The following KIAA0586 variants were observed in gnomAD, a reference collection of about 807,000 sequenced individuals.
The protein encoded by KIAA0586 is KIAA0586, also known as protein TALPID3.
Under a neutral mutation model 169.8 loss-of-function variants are expected in KIAA0586, and 144 were observed. The ratio of observed to expected loss-of-function variants is 0.85; its 90% CI spans 0.74 to 0.97. KIAA0586 has a LOEUF of 0.97. Ranked by LOEUF, KIAA0586 falls within the 50% of genes least tolerant of loss-of-function variation. The pLI is 0.00. For missense variants in KIAA0586, 1,854 were observed against 1,823.0 expected, an observed-to-expected ratio of 1.02 and a Z score of -0.31; for synonymous variants, 625 against 612.4, an observed-to-expected ratio of 1.02 and a Z score of -0.30.
Position 58,456,820 on chromosome 14 carries a change from G to A in KIAA0586, c.1362+10G>A. Reference sequence around the variant, plus strand: ...AAATAGCATGGTCCAGGTAAAGTGGGAATGGTCTTAAAATTGATGATTAGT... The same window carrying A: ...AAATAGCATGGTCCAGGTAAAGTGGAAATGGTCTTAAAATTGATGATTAGT... On this transcript the variant is annotated intron_variant, in intron 10 of 30. Coordinates refer to ENST00000652326, the MANE Select transcript of KIAA0586 (RefSeq NM_001329943.3). The A allele has an allele frequency of 7.1e-7, 1 of 1,407,226 alleles. No individual in the cohort carries two copies. Among genetic ancestry groups the A allele is most frequent in the East Asian group, 2.3e-5 (1 of 42,944 alleles). The allele number at this position is 1,407,226 out of a possible 1,614,324, so 87.2% of individuals were successfully genotyped here. A position where few individuals can be genotyped will look rare whatever the true frequency, so the allele number is the denominator to read the frequency against.
intron 1 of KIAA0586, among the ~76,000 whole-genome samples, chr14:58,429,040 T>C (rs528234149): frequency 1.4e-4 from 22 of 152,340 alleles, no homozygotes; most frequent in African/African-American, 4.6e-4. Context: ...CAAATAGTAC[T>C]GCTGTTAAAT....
intron 29 of KIAA0586, among the ~76,000 whole-genome samples, chr14:58,525,067 A>T (rs1444064745): frequency 6.6e-6 from 1 of 152,040 alleles, no homozygotes; most frequent in Non-Finnish European, 1.5e-5. Context: ...TTGAATACTC[A>T]TGTTATAATC....
At chr14:58,513,760 A>G (rs1474951757) in intron 29 of KIAA0586, among the ~76,000 whole-genome samples, 1 of 152,070 alleles carries the variant, frequency 6.6e-6, no homozygotes, top group East Asian at 1.9e-4. Flanking sequence ...TCATTTATGA[A>G]CTGTCCTTCG....
intron 4 of KIAA0586, among the ~76,000 whole-genome samples, chr14:58,435,793 C>T (rs1469078823): frequency 2.0e-5 from 3 of 152,094 alleles, no homozygotes; most frequent in South Asian, 2.1e-4. Context: ...CTGCAACCTC[C>T]GCCTCCCCAG....
rs774888640 is a variant in KIAA0586, at chr14:58,457,945, A to G, written c.1549A>G (p.Met517Val). The G allele has an allele frequency of 6.2e-7, 1 of 1,600,110 alleles. No homozygotes were observed. The highest frequency in any genetic ancestry group is 8.5e-7 in the Non-Finnish European group (1 of 1,172,572). Residue 517 changes from methionine to valine, a missense_variant, in exon 11 of 31, where the codon ATG becomes GTG. Transcript: ENST00000652326. ...TATTCGTGCAAAAGATGGAGCTGCC[A>G]TGTATTCGCTTATCAATGCTTTATC... is the stretch of plus-strand genomic sequence containing the variant. ...AIIRAKDGAAMYSLINALSTN... is the reference protein window; with the variant it reads ...AIIRAKDGAAVYSLINALSTN...
In KIAA0586 at chr14:58,521,992, G is replaced by C. The variant is rs2045263795; in HGVS notation, c.4429+9365G>C. On this transcript the variant is annotated intron_variant, in intron 29 of 30. Coordinates refer to ENST00000652326, the MANE Select transcript of KIAA0586 (RefSeq NM_001329943.3). ...CACCAATGGCGAAGATAACTCTTAA[G>C]CACATAGTGGGGTTTAGAAATCTTA... is the stretch of plus-strand genomic sequence containing the variant. 4 of 1,307,184 alleles carry C rather than the reference G, an allele frequency of 3.1e-6. No individual in the cohort carries two copies. The African/African-American group carries it at 5.8e-5, about 19-fold the overall frequency. The allele number at this position is 1,307,184 out of a possible 1,614,324, so 81.0% of individuals were successfully genotyped here. A position where few individuals can be genotyped will look rare whatever the true frequency, so the allele number is the denominator to read the frequency against.
chr14:58,429,669 T>C (rs2037196341), intron 2 of KIAA0586, among the ~76,000 whole-genome samples: 1 of 151,924 alleles, frequency 6.6e-6, no homozygotes, highest in African/African-American at 2.4e-5. Flanking sequence ...CTGAAAGAGA[T>C]AGGATAACTG....
At chr14:58,480,150 T>C (rs770459640) in intron 20 of KIAA0586, among the ~76,000 whole-genome samples, 1 of 152,130 alleles carries the variant, frequency 6.6e-6, no homozygotes, top group Non-Finnish European at 1.5e-5. Flanking sequence ...CTTTGGTCCT[T>C]ATAGGTTGGC....
At chr14:58,496,787 A>G (rs2141283403) in intron 26 of KIAA0586, among the ~76,000 whole-genome samples, 1 of 152,326 alleles carries the variant, frequency 6.6e-6, no homozygotes, top group South Asian at 2.1e-4. Context: ...CTTTTAAATG[A>G]GAAACATGGG....
chr14:58,558,233 A>G, the KIAA0586 span, among the ~76,000 whole-genome samples: 3 of 152,176 alleles, frequency 2.0e-5, no homozygotes, highest in African/African-American at 7.2e-5. Context: ...ATTGCCTTTG[A>G]TTTTGGGAGC....
intron 27 of KIAA0586, among the ~76,000 whole-genome samples, chr14:58,508,265 A>C (rs2044141397): frequency 6.6e-6 from 1 of 152,236 alleles, no homozygotes; most frequent in African/African-American, 2.4e-5. Flanking sequence ...GAGTATTAAG[A>C]GTTCGTATGT....
At chr14:58,455,833 G>A (rs1218927019) in intron 9 of KIAA0586, among the ~76,000 whole-genome samples, 3 of 152,134 alleles carry the variant, frequency 2.0e-5, no homozygotes, top group Non-Finnish European at 4.4e-5. Flanking sequence ...GACCTTCCCA[G>A]GTCTCTCTTG....
At chr14:58,507,614 C>G (rs1035642897) in intron 27 of KIAA0586, among the ~76,000 whole-genome samples, 7 of 151,844 alleles carry the variant, frequency 4.6e-5, no homozygotes, top group African/African-American at 1.7e-4. Flanking sequence ...TGATGTCTAA[C>G]CTATCTTACA....
chr14:58,505,202 C>T (rs1403376063), intron 27 of KIAA0586, among the ~76,000 whole-genome samples: 3 of 152,222 alleles, frequency 2.0e-5, no homozygotes, highest in Non-Finnish European at 2.9e-5. Context: ...TATTTTACAA[C>T]TTAAGATCAT....
chr14:58,554,256 T>A (rs966010740), downstream of KIAA0586, among the ~76,000 whole-genome samples: 1 of 152,134 alleles, frequency 6.6e-6, no homozygotes, highest in African/African-American at 2.4e-5. Flanking sequence ...TTAGACTGTA[T>A]TTCTTGGTGG....
intron 27 of KIAA0586, among the ~76,000 whole-genome samples, chr14:58,499,520 G>A (rs976665155): frequency 2.0e-5 from 3 of 151,572 alleles, no homozygotes; most frequent in African/African-American, 7.3e-5. Context: ...CCAAAGTGCT[G>A]GAATTACAGG....
At position 58,428,280 on chromosome 14, in the gene KIAA0586, G is replaced by A; in HGVS notation, c.16G>A (p.Val6Ile). 1 of 1,613,678 alleles carries A rather than the reference G, an allele frequency of 6.2e-7. No homozygotes were observed. Among genetic ancestry groups the A allele is most frequent in the Non-Finnish European group, 8.5e-7 (1 of 1,179,766 alleles). The change falls in exon 1 of 31, where the codon GTC (valine) becomes ATC (isoleucine). Residue 6 changes from valine (V) to isoleucine (I), a missense_variant. Physicochemically the swap from Val to Ile is conservative, Grantham distance 29. Coordinates refer to ENST00000652326, the MANE Select transcript of KIAA0586 (RefSeq NM_001329943.3). MKGSE[V>I]SLEKKKKIKM... is the part of the protein sequence containing the mutation. ...GACCAACAATATGAAAGGCTCTGAG[G>A]TCAGCTTGGAGAAGAAAAAAAAGAT...
chr14:58,541,499 G>T (rs944866994), intron 30 of KIAA0586, among the ~76,000 whole-genome samples: 1 of 152,108 alleles, frequency 6.6e-6, no homozygotes, highest in Non-Finnish European at 1.5e-5. Flanking sequence ...AGTGCAGTCT[G>T]GTAAGTGCTG....
At chr14:58,560,256 A>T in the KIAA0586 span, among the ~76,000 whole-genome samples, 3 of 152,146 alleles carry the variant, frequency 2.0e-5, no homozygotes, top group Non-Finnish European at 4.4e-5. Flanking sequence ...ATTGGGAACC[A>T]TTACTAGAGG....
Sources: gnomAD v4.1 joint callset for allele counts (sites outside exome capture counted in the v4.1 genomes callset) on GRCh38, gnomAD v4.1.1 for gene constraint, MANE v1.5 for transcripts, NCBI Gene and HGNC (gene_info 2026-07-23, HGNC 2026-07-21) for gene names.